The following NEGR1 variants were observed in gnomAD, a reference collection of about 807,000 sequenced individuals.
NEGR1 encodes neuronal growth regulator 1, also known as IgLON family member 4.
A neutral mutation model predicts 40.9 loss-of-function variants in NEGR1; 10 were observed. That is an observed-to-expected ratio of 0.24 (90% CI 0.15 to 0.42). The LOEUF (loss-of-function observed/expected upper bound fraction) is 0.42. NEGR1 is among the 10% of genes least tolerant of loss of function. NEGR1 has a pLI of 1.00. For synonymous variants in NEGR1, 185 were observed against 166.8 expected (o/e 1.11, Z -0.84); for missense variants, 352 against 438.9 (o/e 0.80, Z 1.77).
intron 2 of NEGR1, among the ~76,000 whole-genome samples, chr1:71,823,131 C>T (rs145821747): frequency 9.9e-5 from 15 of 151,736 alleles, no homozygotes; most frequent in Non-Finnish European, 1.3e-4. Context: ...ATGCATACTT[C>T]GGAATCAGGC....
chr1:71,720,953 C>T (rs747051007), intron 3 of NEGR1, among the ~76,000 whole-genome samples: 9 of 152,124 alleles, frequency 5.9e-5, no homozygotes, highest in Non-Finnish European at 1.0e-4. Flanking sequence ...GAGAAAACAT[C>T]AGTCAGCACT....
chr1:71,820,569 C>T (rs558615420), intron 2 of NEGR1, among the ~76,000 whole-genome samples: 3 of 152,052 alleles, frequency 2.0e-5, no homozygotes, highest in African/African-American at 7.2e-5. Context: ...ATATAGGGGA[C>T]ATATGACACA....
intron 1 of NEGR1, among the ~76,000 whole-genome samples, chr1:72,076,047 A>C (rs188468967): frequency 3.1e-4 from 47 of 152,350 alleles, no homozygotes; most frequent in African/African-American, 1.1e-3. Context: ...ACAGAAGCAG[A>C]AGCTGTTTAT....
chr1:72,033,521 T>G (rs1646876903), intron 1 of NEGR1, among the ~76,000 whole-genome samples: 1 of 152,184 alleles, frequency 6.6e-6, no homozygotes, highest in Admixed American at 6.5e-5. Context: ...GAAACATTAA[T>G]CATTGGCTTT....
chr1:71,896,642 T>A (rs34221216), intron 2 of NEGR1, among the ~76,000 whole-genome samples: 3,902 of 152,316 alleles, frequency 0.026, 75 homozygotes, highest in Non-Finnish European at 0.04. Context: ...GAAGACATAC[T>A]CCTATGTTTT....
chr1:71,470,991 A>G (rs1384814249), intron 6 of NEGR1, among the ~76,000 whole-genome samples: 1 of 152,116 alleles, frequency 6.6e-6, no homozygotes, highest in Non-Finnish European at 1.5e-5. Context: ...CTTCCCAGCT[A>G]ATGCTGTTTT....
chr1:71,639,324 G>T (rs1353370033), intron 4 of NEGR1, among the ~76,000 whole-genome samples: 1 of 151,894 alleles, frequency 6.6e-6, no homozygotes, highest in African/African-American at 2.4e-5. Flanking sequence ...AAACAGAATT[G>T]CAATTACTGA....
chr1:71,424,690 T>G (rs1025153882), intron 6 of NEGR1, among the ~76,000 whole-genome samples: 6 of 152,148 alleles, frequency 3.9e-5, no homozygotes, highest in African/African-American at 1.4e-4. Flanking sequence ...GTTGCTGGCT[T>G]CAAAACTGAG....
chr1:72,157,703 T>C (rs1413257708), intron 1 of NEGR1, among the ~76,000 whole-genome samples: 1 of 152,110 alleles, frequency 6.6e-6, no homozygotes, highest in African/African-American at 2.4e-5. Context: ...ACTGGGGCCA[T>C]ACCCATAGCC....
chr1:71,490,865 C>G (rs115205388), intron 6 of NEGR1, among the ~76,000 whole-genome samples: 85 of 152,136 alleles, frequency 5.6e-4, no homozygotes, highest in African/African-American at 2.0e-3. Context: ...TGAATTAACC[C>G]ACTCTGGAAC....
chr1:72,011,455 T>G (rs140083995), intron 1 of NEGR1, among the ~76,000 whole-genome samples: 347 of 152,134 alleles, frequency 2.3e-3, no homozygotes, highest in African/African-American at 8.0e-3. Context: ...AAGGGAAACT[T>G]GGAGGGTTCA....
At chr1:72,204,654 T>C (rs1370591746) in intron 1 of NEGR1, among the ~76,000 whole-genome samples, 1 of 152,124 alleles carries the variant, frequency 6.6e-6, no homozygotes, top group East Asian at 1.9e-4. Context: ...GTTTGGGTTA[T>C]AAGGACACAC....
At chr1:71,463,327 C>G (rs1215997475) in intron 6 of NEGR1, 11 of 152,112 alleles carry the variant, frequency 7.2e-5, no homozygotes, top group Non-Finnish European at 1.6e-4. Flanking sequence ...TGTTCGTCTT[C>G]CAGGCACATG....
chr1:71,805,295 T>C (rs1160407078), intron 2 of NEGR1, among the ~76,000 whole-genome samples: 1 of 152,330 alleles, frequency 6.6e-6, no homozygotes, highest in South Asian at 2.1e-4. Context: ...TTGTGAAGCA[T>C]GTGATCTCTG....
intron 1 of NEGR1, among the ~76,000 whole-genome samples, chr1:72,066,588 T>C (rs1436879897): frequency 6.6e-6 from 1 of 152,104 alleles, no homozygotes; most frequent in African/African-American, 2.4e-5. Context: ...GCTTGGGCTG[T>C]AATCCAGTGT....
intron 1 of NEGR1, among the ~76,000 whole-genome samples, chr1:72,102,058 A>T (rs1648969258): frequency 6.6e-6 from 1 of 152,186 alleles, no homozygotes; most frequent in African/African-American, 2.4e-5. Context: ...CTGCAACTCT[A>T]ATAAGCAGTA....
chr1:72,255,380 T>C (rs566786437), intron 1 of NEGR1, among the ~76,000 whole-genome samples: 8 of 152,242 alleles, frequency 5.3e-5, no homozygotes, highest in African/African-American at 1.7e-4. Context: ...ACACAACTGG[T>C]ATATAGTAGT....
intron 6 of NEGR1, among the ~76,000 whole-genome samples, chr1:71,512,818 G>A (rs1487494670): frequency 6.6e-6 from 1 of 151,884 alleles, no homozygotes; most frequent in Non-Finnish European, 1.5e-5. Flanking sequence ...CTGACCTTGT[G>A]ATCCACCCGC....
At chr1:71,603,547 T>C (rs1202261462) in intron 5 of NEGR1, among the ~76,000 whole-genome samples, 1 of 152,188 alleles carries the variant, frequency 6.6e-6, no homozygotes, top group Non-Finnish European at 1.5e-5. Context: ...ATGTAGTAAG[T>C]TGTAAAATAT....
Sources: gnomAD v4.1 joint callset for allele counts (sites outside exome capture counted in the v4.1 genomes callset) on GRCh38, gnomAD v4.1.1 for gene constraint, MANE v1.5 for transcripts, NCBI Gene and HGNC (gene_info 2026-07-23, HGNC 2026-07-21) for gene names.